Variants in TRIM9 observed in about 807,000 individuals in gnomAD.
TRIM9 encodes tripartite motif containing 9, also known as E3 ubiquitin-protein ligase TRIM9.
Under a neutral mutation model 78.3 loss-of-function variants are expected in TRIM9, and 26 were observed. The observed-to-expected ratio is 0.33, with a 90% CI of 0.24 to 0.46. TRIM9 has a LOEUF of 0.46. TRIM9 is among the 20% of genes least tolerant of loss of function. The pLI, the probability that TRIM9 is intolerant of heterozygous loss-of-function variation, is 1.00. For synonymous variants in TRIM9, 398 were observed against 416.5 expected (o/e 0.96, Z 0.54); for missense variants, 787 against 1,036.4 (o/e 0.76, Z 3.30).
At chr14:51,084,335 TAAGTAAA>T (rs1271564928) in intron 1 of TRIM9, among the ~76,000 whole-genome samples, 1 of 152,226 alleles carries the variant, frequency 6.6e-6, no homozygotes, top group Non-Finnish European at 1.5e-5. Flanking sequence ...CTTGATTCTT[TAAGTAAA>T]AAGTAGAGCA....
chr14:51,072,470 AC>A (rs2062376075), intron 1 of TRIM9, among the ~76,000 whole-genome samples: 1 of 152,180 alleles, frequency 6.6e-6, no homozygotes, highest in African/African-American at 2.4e-5. Context: ...CTTACACAAT[AC>A]ATACGAGGAA....
In TRIM9 at chr14:51,094,185, C is replaced by T. The variant is rs1320458104; in HGVS notation, c.755G>A (p.Cys252Tyr). ...GCTGGAGTGTTTGCCCTCCTCCAAG[C>T]ACTGGTAGCACACGGGCATCTTGCA... ...VQCKMPVCYQ[C>Y]LEEGKHSSHE... The change falls in exon 1 of 13, where the codon TGC (cysteine) becomes TAC (tyrosine). Residue 252 changes from cysteine (C) to tyrosine (Y), a missense_variant. Around this residue, in one of 3 missense-constraint regions of TRIM9, gnomAD observed 352 missense variants for 472.3 expected, o/e 0.75. Coordinates refer to ENST00000684578, the MANE Select transcript of TRIM9 (RefSeq NM_001387360.1). The T allele has an allele frequency of 6.2e-7, 1 of 1,614,258 alleles. No individual in the cohort carries two copies. Among genetic ancestry groups the T allele is most frequent in the Admixed American group, 1.7e-5 (1 of 60,036 alleles).
chr14:51,029,198 AAAG>A (rs1239321737), intron 1 of TRIM9, among the ~76,000 whole-genome samples: 1 of 152,206 alleles, frequency 6.6e-6, no homozygotes, highest in African/African-American at 2.4e-5. Context: ...GGACAAATGA[AAAG>A]AAGCTTTCTG....
rs745563419 is a variant in TRIM9 at position 51,094,847 on chromosome 14, C to T, written c.93G>A (p.Gln31=). The change falls in exon 1 of 13, where the codon CAG becomes CAA. Residue 31 remains glutamine, a synonymous_variant. Transcript: ENST00000684578. ...GCACCAGGATGTTGCGGGCGCACGCCTGACACAAATTGTGAGAGCAGGGCA... is the reference window on the plus strand; with the variant it reads ...GCACCAGGATGTTGCGGGCGCACGCTTGACACAAATTGTGAGAGCAGGGCA... ...IILPCSHNLC[Q]ACARNILVQT... 1 of 1,533,410 alleles carries T rather than the reference C, an allele frequency of 6.5e-7. No homozygotes were observed. The highest frequency in any genetic ancestry group is 1.4e-5 in the African/African-American group (1 of 72,086). 95.0% of individuals were successfully genotyped at this position (1,533,410 alleles called of 1,614,324 possible).
chr14:51,063,757 C>T (rs778831584), intron 1 of TRIM9, among the ~76,000 whole-genome samples: 9 of 152,010 alleles, frequency 5.9e-5, no homozygotes, highest in South Asian at 2.1e-4. Context: ...CAAAAATTAA[C>T]GGAAAAGAAA....
intron 5 of TRIM9, among the ~76,000 whole-genome samples, chr14:51,001,688 C>A (rs1473287627): frequency 6.6e-6 from 1 of 152,044 alleles, no homozygotes; most frequent in Non-Finnish European, 1.5e-5. Flanking sequence ...GTCTTCTGCA[C>A]GTAAGTAGCT....
chr14:51,000,938 G>A, intron 5 of TRIM9, 98 bp from the exon 6 acceptor site: 1 of 1,446,174 alleles, frequency 6.9e-7, no homozygotes, highest in Non-Finnish European at 9.5e-7. Context: ...GTGGTTAGAA[G>A]TAGCCAGAAT....
At chr14:51,092,874 G>C (rs2064504656) in intron 1 of TRIM9, among the ~76,000 whole-genome samples, 1 of 152,120 alleles carries the variant, frequency 6.6e-6, no homozygotes, top group Non-Finnish European at 1.5e-5. Context: ...AGCTGAGAGG[G>C]AACTAGCGGG....
At chr14:51,078,556 G>A (rs549351635) in intron 1 of TRIM9, among the ~76,000 whole-genome samples, 5 of 152,264 alleles carry the variant, frequency 3.3e-5, no homozygotes, top group Non-Finnish European at 5.9e-5. Context: ...TTGCCACAAC[G>A]TGGGTTATGC....
chr14:51,005,913 A>T (rs1225297172), intron 5 of TRIM9, among the ~76,000 whole-genome samples: 1 of 152,226 alleles, frequency 6.6e-6, no homozygotes, highest in African/African-American at 2.4e-5. Context: ...TCCGTAGCTA[A>T]TAAGAGAGTA....
rs540694506 is a variant in TRIM9 at position 51,002,662 on chromosome 14, C to A, written c.1307-1822G>T. Reference sequence around the variant, plus strand: ...ATCTATGCCTTGTCAGTCATCCCAACCAAAACAGTGTTTAATTTTACAGCA... The same window carrying A: ...ATCTATGCCTTGTCAGTCATCCCAAACAAAACAGTGTTTAATTTTACAGCA... On this transcript the variant is annotated intron_variant, in intron 5 of 12. Transcript: ENST00000684578. Among the ~76,000 whole-genome samples, 26 of 152,248 alleles carry A rather than the reference C, an allele frequency of 1.7e-4. No homozygotes were observed. The South Asian group carries it at 5.0e-3, about 29-fold the overall frequency.
intron 7 of TRIM9, among the ~76,000 whole-genome samples, chr14:50,986,852 G>T (rs375289135): frequency 6.6e-6 from 1 of 152,342 alleles, no homozygotes; most frequent in South Asian, 2.1e-4. Context: ...CAGTGGTGAG[G>T]TGCATTGGTG....
intron 1 of TRIM9, among the ~76,000 whole-genome samples, chr14:51,089,752 C>A (rs916102696): frequency 3.9e-5 from 6 of 152,122 alleles, no homozygotes; most frequent in Non-Finnish European, 8.8e-5. Context: ...CTCTTTTAGG[C>A]CACCTTTCAG....
At position 50,977,098 on chromosome 14, in the gene TRIM9, G is replaced by T; in HGVS notation, c.*193C>A. ...TTGTTGGACATGGAAGCGGAAGCAG[G>T]CATGACAGCGGAGGAGAGGTTGAAA... On this transcript the variant is annotated 3_prime_UTR_variant, in exon 13 of 13. Coordinates refer to ENST00000684578, the MANE Select transcript of TRIM9 (RefSeq NM_001387360.1). The T allele has an allele frequency of 2.6e-6, 1 of 388,296 alleles. No individual in the cohort carries two copies. The allele number at this position is 388,296 out of a possible 1,614,324, so 24.1% of individuals were successfully genotyped here.
At chr14:51,001,298 C>G (rs879555365) in intron 5 of TRIM9, among the ~76,000 whole-genome samples, 1 of 149,084 alleles carries the variant, frequency 6.7e-6, no homozygotes, top group Non-Finnish European at 1.5e-5. Flanking sequence ...GGCACAATCT[C>G]GGCTCACTGC....
At chr14:51,013,619 C>T (rs1420316464) in intron 3 of TRIM9, among the ~76,000 whole-genome samples, 1 of 151,804 alleles carries the variant, frequency 6.6e-6, no homozygotes, top group African/African-American at 2.4e-5. Context: ...GTGAAAGGAA[C>T]CAACTCTGAT....
intron 8 of TRIM9, 112 bp downstream of exon 8, chr14:50,985,844 G>A: frequency 2.0e-6 from 2 of 982,792 alleles, no homozygotes; most frequent in Non-Finnish European, 2.8e-6. Flanking sequence ...CACAGACAGA[G>A]ACTAGCTCAT....
At chr14:51,062,002 T>C (rs2061386974) in intron 1 of TRIM9, among the ~76,000 whole-genome samples, 1 of 152,272 alleles carries the variant, frequency 6.6e-6, no homozygotes, top group African/African-American at 2.4e-5. Flanking sequence ...TTCCTCTTAC[T>C]GCTTCAGATT....
intron 1 of TRIM9, among the ~76,000 whole-genome samples, chr14:51,075,988 T>C (rs1314129915): frequency 6.6e-6 from 1 of 152,158 alleles, no homozygotes; most frequent in African/African-American, 2.4e-5. Context: ...ATATTCCCAA[T>C]ACCTACAAGA....
Sources: gnomAD v4.1 joint callset for allele counts (sites outside exome capture counted in the v4.1 genomes callset) on GRCh38, gnomAD v4.1.1 for gene constraint, gnomAD v4.1.1 regional missense constraint, MANE v1.5 for transcripts, NCBI Gene and HGNC (gene_info 2026-07-23, HGNC 2026-07-21) for gene names.